PSMG2: variants seen among roughly 807,000 people sequenced by gnomAD.
The protein encoded by PSMG2 is CD40 ligand-activated specific transcript 3.
Under a neutral mutation model 31.5 loss-of-function variants are expected in PSMG2, and 21 were observed. That is an observed-to-expected ratio of 0.67 (90% CI 0.47 to 0.96). The LOEUF (loss-of-function observed/expected upper bound fraction) is 0.96, where lower values mean the gene tolerates loss of function less well. PSMG2 is among the 40% of genes least tolerant of loss of function. The pLI is 0.00. For synonymous variants in PSMG2, 120 were observed against 110.4 expected (o/e 1.09, Z -0.54); for missense variants, 318 against 321.2 (o/e 0.99, Z 0.08).
chr18:12,720,342 C>G (rs9952912), intron 4 of PSMG2, among the ~76,000 whole-genome samples, 168 bp from the exon 5 acceptor site: 2,833 of 151,516 alleles, frequency 0.019, 95 homozygotes, highest in African/African-American at 0.065. Flanking sequence ...TATATTGTCT[C>G]CTAAGTAAGT....
chr18:12,702,965 C>T (rs761273838), upstream of PSMG2: 27 of 888,570 alleles, frequency 3.0e-5, no homozygotes, highest in Non-Finnish European at 3.9e-5. Context: ...GTTAGCTGGA[C>T]GGGCCTCAAG....
intron 1 of PSMG2, among the ~76,000 whole-genome samples, chr18:12,671,361 TAG>T (rs1284458348): frequency 5.3e-5 from 8 of 152,186 alleles, no homozygotes; most frequent in African/African-American, 1.9e-4. Context: ...CCAACTGGTA[TAG>T]AGTTACTTTC....
intron 3 of PSMG2, among the ~76,000 whole-genome samples, chr18:12,714,500 T>TC (rs1352683701): frequency 6.6e-6 from 1 of 151,950 alleles, no homozygotes; most frequent in Non-Finnish European, 1.5e-5. Context: ...TTTTTTTTTT[T>TC]TTTCCTTGAA....
At chr18:12,674,540 G>C (rs1568009804) in intron 1 of PSMG2, 13 of 1,610,996 alleles carry the variant, frequency 8.1e-6, no homozygotes. Context: ...CCTTACCGAA[G>C]ACATGTGGCA....
chr18:12,667,788 GAAAAT>G (rs2038833986), intron 1 of PSMG2, among the ~76,000 whole-genome samples: 1 of 130,432 alleles, frequency 7.7e-6, no homozygotes, highest in Non-Finnish European at 1.6e-5. Context: ...GAAAAGAAAA[GAAAAT>G]ATAATATTCA....
At chr18:12,723,248 C>G (rs1001308512) in intron 5 of PSMG2, among the ~76,000 whole-genome samples, 7 of 151,858 alleles carry the variant, frequency 4.6e-5, no homozygotes, top group African/African-American at 1.7e-4. Context: ...TCTCATAGTT[C>G]TTGGTTTTAG....
chr18:12,711,798 A>G (rs957530946), intron 2 of PSMG2, among the ~76,000 whole-genome samples: 16 of 138,400 alleles, frequency 1.2e-4, no homozygotes, highest in African/African-American at 2.5e-4. Context: ...CTGTTGCCCA[A>G]GCTGGAGTGC....
intron 2 of PSMG2, among the ~76,000 whole-genome samples, chr18:12,707,323 A>G (rs1372695743): frequency 2.0e-5 from 3 of 152,050 alleles, no homozygotes; most frequent in Non-Finnish European, 4.4e-5. Flanking sequence ...TTTTCCTTCT[A>G]TCCTCAGTTT....
intron 1 of PSMG2, chr18:12,697,121 G>T: frequency 1.2e-6 from 1 of 824,490 alleles, no homozygotes; most frequent in Non-Finnish European, 1.8e-6. Context: ...CTATTTTACA[G>T]GTTTCCCTCT....
At chr18:12,715,600 G>A (rs992187114) in intron 3 of PSMG2, among the ~76,000 whole-genome samples, 2 of 151,992 alleles carry the variant, frequency 1.3e-5, no homozygotes, top group East Asian at 3.9e-4. Context: ...CCGTCTCCTG[G>A]GTTCAAGCAA....
intron 1 of PSMG2, among the ~76,000 whole-genome samples, chr18:12,694,279 A>C (rs1257654268): frequency 6.6e-6 from 1 of 152,220 alleles, no homozygotes; most frequent in African/African-American, 2.4e-5. Context: ...GAGAAGCACT[A>C]GCGTCTAACC....
upstream of PSMG2, chr18:12,699,825 C>T: frequency 6.7e-7 from 1 of 1,487,486 alleles, no homozygotes; most frequent in Non-Finnish European, 9.2e-7. Context: ...TTAAAATATA[C>T]ATACTTTTTT....
intron 2 of PSMG2, 64 bp from the exon 3 acceptor site, chr18:12,712,638 C>G: frequency 8.1e-7 from 1 of 1,229,892 alleles, no homozygotes; most frequent in Non-Finnish European, 1.2e-6. Context: ...TTTTGTTTAT[C>G]ATAATAATTT....
Position 12,720,532 on chromosome 18 carries a change from A to AC in PSMG2, c.431dup (p.Pro145ThrfsTer10). ...TAGTACTCCCTTCCGGTACCTACTT[A>AC]CACCTTCCATGCAAAAAAGTGTTCA... On this transcript the variant is annotated frameshift_variant, in exon 5 of 7. Coordinates refer to ENST00000317615, the MANE Select transcript of PSMG2 (RefSeq NM_020232.5). LOFTEE classifies it high-confidence loss of function. 1.9e-6 allele frequency: 3 copies of AC among 1,609,890 alleles called. No individual in the cohort carries two copies. The highest frequency in any genetic ancestry group is 2.5e-6 in the Non-Finnish European group (3 of 1,178,482).
chr18:12,709,824 CAG>C (rs1001594301), intron 2 of PSMG2, among the ~76,000 whole-genome samples: 2 of 151,240 alleles, frequency 1.3e-5, no homozygotes, highest in African/African-American at 4.9e-5. Context: ...TTAGTAGAGA[CAG>C]GGTTTCACCA....
At chr18:12,690,353 T>C (rs1009646128) in intron 1 of PSMG2, among the ~76,000 whole-genome samples, 6 of 152,198 alleles carry the variant, frequency 3.9e-5, no homozygotes, top group Admixed American at 6.5e-5. Context: ...AATAATATAC[T>C]ACACTATACT....
intron 1 of PSMG2, among the ~76,000 whole-genome samples, chr18:12,688,789 G>C (rs2039637983): frequency 6.6e-6 from 1 of 152,118 alleles, no homozygotes; most frequent in Non-Finnish European, 1.5e-5. Flanking sequence ...TACCATACTG[G>C]TTAGCACAGA....
intron 1 of PSMG2, chr18:12,691,432 G>A: frequency 6.2e-7 from 1 of 1,608,796 alleles, no homozygotes; most frequent in Non-Finnish European, 8.5e-7. Flanking sequence ...CCACTGCTTA[G>A]CATATACAAG....
chr18:12,678,100 G>A (rs746207911), intron 1 of PSMG2: 4 of 1,596,712 alleles, frequency 2.5e-6, no homozygotes. Context: ...CTATTTCAGT[G>A]TGAATTACCT....
Sources: allele counts gnomAD v4.1 joint callset (sites outside exome capture counted in the v4.1 genomes callset), GRCh38; gene constraint gnomAD v4.1.1; transcripts MANE v1.5; gene names NCBI Gene and HGNC (gene_info 2026-07-23, HGNC 2026-07-21).